PCDHGB2: variants seen among roughly 807,000 people sequenced by gnomAD.
PCDHGB2 encodes the protein protocadherin gamma-B2.
In PCDHGB2, 55 loss-of-function variants were observed where a neutral mutation model predicts 59.3. The observed-to-expected ratio is 0.93, with a 90% CI of 0.75 to 1.16. The LOEUF (loss-of-function observed/expected upper bound fraction) is 1.16, where lower values mean the gene tolerates loss of function less well. PCDHGB2 is among the 50% of genes most tolerant of loss of function. PCDHGB2 has a pLI of 0.00. For synonymous variants in PCDHGB2, 516 were observed against 512.0 expected, an observed-to-expected ratio of 1.01 and a Z score of -0.11; for missense variants, 1,228 against 1,198.5, an observed-to-expected ratio of 1.02 and a Z score of -0.36.
intron 1 of PCDHGB2, chr5:141,365,061 C>T (rs1220470558): frequency 8.1e-6 from 13 of 1,613,766 alleles, no homozygotes; most frequent in Non-Finnish European, 1.1e-5. Context: ...CTGTTCACCC[C>T]ATCCGAGTAC....
chr5:141,364,347 G>C, intron 1 of PCDHGB2: 1 of 1,543,210 alleles, frequency 6.5e-7, no homozygotes, highest in East Asian at 2.3e-5. Context: ...AGTCCACCTA[G>C]GGGCTGGGGC....
intron 1 of PCDHGB2, among the ~76,000 whole-genome samples, chr5:141,407,531 T>C (rs757019162): frequency 3.3e-5 from 5 of 151,462 alleles, no homozygotes; most frequent in South Asian, 2.1e-4. Context: ...TAACTTATTG[T>C]GCATTGGTAA....
At chr5:141,484,620 C>G (rs536622819) in intron 1 of PCDHGB2, among the ~76,000 whole-genome samples, 25 of 151,974 alleles carry the variant, frequency 1.6e-4, no homozygotes, top group African/African-American at 6.0e-4. Flanking sequence ...ACAACACTGG[C>G]TTGAACAAAG....
At chr5:141,364,871 G>C (rs775321480) in intron 1 of PCDHGB2, 2 of 1,614,010 alleles carry the variant, frequency 1.2e-6, no homozygotes, top group Non-Finnish European at 1.7e-6. Context: ...CTTCTCTCTG[G>C]ATGTGGTAAG....
Position 141,407,988 on chromosome 5 carries a change from C to T in PCDHGB2, c.2421+45432C>T, listed in dbSNP as rs923527525. 1.3e-4 allele frequency: 104 copies of T among 827,076 alleles called. 1 individual carries two copies. The highest frequency in any genetic ancestry group is 3.7e-4 in the Middle Eastern group (1 of 2,684). 51.2% of individuals were successfully genotyped at this position (827,076 alleles called of 1,614,324 possible). ...GCGCTGACGCCGGGGATCCGTCAGC[C>T]TCTGGCCTGGGATTCCCTGCGCAGC... On this transcript the variant is annotated intron_variant, in intron 1 of 3. Transcript: ENST00000522605.
At position 141,491,291 on chromosome 5, in the gene PCDHGB2, C is replaced by G; in HGVS notation, c.2422-3516C>G. On this transcript the variant is annotated intron_variant, in intron 1 of 3. Coordinates refer to ENST00000522605, the MANE Select transcript of PCDHGB2 (RefSeq NM_018923.3). The surrounding 1 kb of genome is among the most constrained non-coding windows in gnomAD (Gnocchi z 6.9). ...AAATCCAGTGACTTCCTCATACACCCTCCTGAGCGTTCAGACCTTACCCTT... is the reference window on the plus strand; with the variant it reads ...AAATCCAGTGACTTCCTCATACACCGTCCTGAGCGTTCAGACCTTACCCTT... 2 of 1,614,152 alleles carry G rather than the reference C, an allele frequency of 1.2e-6. No homozygotes were observed. The highest frequency in any genetic ancestry group is 1.7e-6 in the Non-Finnish European group (2 of 1,179,974).
chr5:141,417,942 C>A (rs1324501154), intron 1 of PCDHGB2: 19 of 1,613,208 alleles, frequency 1.2e-5, no homozygotes, highest in Non-Finnish European at 1.5e-5. Flanking sequence ...TTCTACCCCA[C>A]GCTGTGTGAG....
intron 1 of PCDHGB2, among the ~76,000 whole-genome samples, chr5:141,484,179 A>G (rs2099592960): frequency 6.6e-6 from 1 of 152,222 alleles, no homozygotes; most frequent in South Asian, 2.1e-4. Context: ...GATCTCAATC[A>G]TTCAAGGAAG....
intron 1 of PCDHGB2, among the ~76,000 whole-genome samples, chr5:141,459,949 G>T (rs1284876601): frequency 2.0e-5 from 3 of 152,124 alleles, no homozygotes; most frequent in Non-Finnish European, 4.4e-5. Context: ...GTGATGGCAG[G>T]TGCCTGTAAT....
At chr5:141,423,926 T>C (rs925790302) in intron 1 of PCDHGB2, 2 of 1,245,276 alleles carry the variant, frequency 1.6e-6, no homozygotes, top group Non-Finnish European at 2.0e-6. Flanking sequence ...CTATGCTGGT[T>C]TGGTTTGAAG....
chr5:141,510,251 C>T (rs569804850), intron 3 of PCDHGB2, among the ~76,000 whole-genome samples: 5 of 144,790 alleles, frequency 3.5e-5, no homozygotes, highest in South Asian at 4.3e-4. Flanking sequence ...CCAGGCTGGG[C>T]GACAGAGCAG....
chr5:141,410,569 T>C (rs908906606), intron 1 of PCDHGB2: 1 of 1,612,242 alleles, frequency 6.2e-7, no homozygotes, highest in African/African-American at 1.3e-5. Context: ...GAGCCTTAAT[T>C]CCACCTCATG....
In PCDHGB2 at chr5:141,476,760, CG is replaced by C. The variant is rs1325258321; in HGVS notation, c.2422-18045del. The C allele has an allele frequency of 6.2e-7, 1 of 1,613,706 alleles. No individual in the cohort carries two copies. Among genetic ancestry groups the C allele is most frequent in the African/African-American group, 1.3e-5 (1 of 74,930 alleles). On this transcript the variant is annotated intron_variant, in intron 1 of 3. Coordinates refer to ENST00000522605, the MANE Select transcript of PCDHGB2 (RefSeq NM_018923.3). This position sits in a 1 kb window ranked among gnomAD's most constrained non-coding sequence, Gnocchi z 7.6. ...GAGCCTAGTCTCCAGTTAGTGCTGA[CG>C]GCGTTGGACGGAGGGACCCCAGCTC...
chr5:141,363,227 A>G (rs920377728), intron 1 of PCDHGB2, among the ~76,000 whole-genome samples: 2 of 152,228 alleles, frequency 1.3e-5, no homozygotes, highest in Non-Finnish European at 2.9e-5. Context: ...CTTACAACCT[A>G]TGTTCACATC....
At position 141,511,563 on chromosome 5, in the gene PCDHGB2, C is replaced by T. The variant is rs911782127; in HGVS notation, c.*390C>T. ...CCCCACTCCAACAGTTCCTCTTTCCCGAGTAAGGTGGTTGGGGTGTTGAAG... is the reference window on the plus strand; with the variant it reads ...CCCCACTCCAACAGTTCCTCTTTCCTGAGTAAGGTGGTTGGGGTGTTGAAG... On this transcript the variant is annotated 3_prime_UTR_variant, in exon 4 of 4. Coordinates refer to ENST00000522605, the MANE Select transcript of PCDHGB2 (RefSeq NM_018923.3). The T allele has an allele frequency of 7.8e-5, 23 of 295,048 alleles. No homozygotes were observed. The highest frequency in any genetic ancestry group is 3.4e-4 in the African/African-American group (16 of 46,532). The allele number at this position is 295,048 out of a possible 1,614,324, so 18.3% of individuals were successfully genotyped here. A position where few individuals can be genotyped will look rare whatever the true frequency, so the allele number is the denominator to read the frequency against.
chr5:141,366,388 T>G, intron 1 of PCDHGB2: 5 of 1,614,152 alleles, frequency 3.1e-6, no homozygotes, highest in Non-Finnish European at 4.2e-6. Context: ...ACCCTGAGGA[T>G]CTGGACCTCA....
chr5:141,415,885 C>A (rs778154458), intron 1 of PCDHGB2: 7 of 978,904 alleles, frequency 7.2e-6, no homozygotes, highest in Non-Finnish European at 9.6e-6. Context: ...ACAATATTGA[C>A]AATTCCTAAG....
At chr5:141,403,226 C>T (rs1329726577) in intron 1 of PCDHGB2, 1 of 1,613,926 alleles carries the variant, frequency 6.2e-7, no homozygotes, top group South Asian at 1.1e-5. Flanking sequence ...TAGGATAGAC[C>T]GGGAGGAGCT....
intron 1 of PCDHGB2, among the ~76,000 whole-genome samples, chr5:141,446,891 C>T (rs1457416718): frequency 6.6e-6 from 1 of 152,152 alleles, no homozygotes; most frequent in South Asian, 2.1e-4. Context: ...GGGTTCATGG[C>T]TGAGCTACTT....
Sources: allele counts gnomAD v4.1 joint callset (sites outside exome capture counted in the v4.1 genomes callset), GRCh38; gene constraint gnomAD v4.1.1; non-coding constraint Gnocchi (gnomAD v3.1); transcripts MANE v1.5; gene names NCBI Gene and HGNC (gene_info 2026-07-23, HGNC 2026-07-21).